Variants in COBL observed in about 807,000 individuals in gnomAD.
COBL encodes the protein cordon-bleu WH2 repeat protein, also known as protein cordon-bleu.
COBL carries 51 observed loss-of-function variants against 98.8 expected under a neutral mutation model. The observed-to-expected ratio is 0.52, with a 90% CI of 0.41 to 0.65. The LOEUF (loss-of-function observed/expected upper bound fraction) is 0.65. COBL is among the 30% of genes least tolerant of loss of function. The probability of loss-of-function intolerance (pLI) is 0.00; values close to 1 mark genes in which losing one functional copy is unlikely to be tolerated. For synonymous variants in COBL, 634 were observed against 651.7 expected (o/e 0.97, Z 0.41); for missense variants, 1,617 against 1,617.5 (o/e 1.00, Z 0.01).
chr7:51,043,328 A>G, intron 8 of COBL, 55 bp downstream of exon 8: 1 of 1,535,280 alleles, frequency 6.5e-7, no homozygotes, highest in Non-Finnish European at 8.9e-7. Context: ...GACCCTCTTT[A>G]GAGACACAGA....
intron 5 of COBL, among the ~76,000 whole-genome samples, chr7:51,157,075 ACAAGGCCAGGG>A (rs1251905523): frequency 6.6e-6 from 1 of 152,166 alleles, no homozygotes; most frequent in East Asian, 1.9e-4. Context: ...CAGAGTTTTA[ACAAGGCCAGGG>A]CTAGCCAGAC....
At chr7:51,294,645 A>G (rs558660807) in intron 1 of COBL, among the ~76,000 whole-genome samples, 2 of 145,546 alleles carry the variant, frequency 1.4e-5, no homozygotes, top group East Asian at 4.0e-4. Flanking sequence ...CTCCATCTCA[A>G]AAAAAAAAAA....
At chr7:51,167,780 C>T (rs561156485) in intron 5 of COBL, among the ~76,000 whole-genome samples, 287 of 152,186 alleles carry the variant, frequency 1.9e-3, no homozygotes, top group Middle Eastern at 6.8e-3. Flanking sequence ...ATACTTACAG[C>T]GAAGTCATTT....
chr7:51,144,562 G>T (rs923553759), intron 5 of COBL, among the ~76,000 whole-genome samples: 3 of 152,102 alleles, frequency 2.0e-5, no homozygotes, highest in African/African-American at 7.2e-5. Context: ...AAAATTAACC[G>T]TGTTAGCCAT....
intron 1 of COBL, among the ~76,000 whole-genome samples, chr7:51,279,555 T>G (rs1157738523): frequency 6.6e-6 from 1 of 152,136 alleles, no homozygotes. Flanking sequence ...ACCTTACACA[T>G]GCAGAGCCTC....
At chr7:51,033,026 C>T (rs1441558807) in intron 8 of COBL, 1 of 151,906 alleles carries the variant, frequency 6.6e-6, no homozygotes, top group African/African-American at 2.4e-5. Context: ...TGCTTGATCA[C>T]GTCACTATGA....
chr7:51,087,273 G>GA (rs1407602282), intron 6 of COBL, among the ~76,000 whole-genome samples: 1 of 152,012 alleles, frequency 6.6e-6, no homozygotes, highest in Non-Finnish European at 1.5e-5. Context: ...TCAAAATTAT[G>GA]AAAAATATAA....
At chr7:51,213,307 T>A (rs1792648470) in intron 2 of COBL, among the ~76,000 whole-genome samples, 1 of 152,114 alleles carries the variant, frequency 6.6e-6, no homozygotes, top group South Asian at 2.1e-4. Context: ...AGTAAGCATT[T>A]CCCCCTGAGC....
intron 7 of COBL, chr7:51,070,985 T>C (rs745769140): frequency 1.3e-5 from 2 of 152,222 alleles, no homozygotes; most frequent in African/African-American, 2.4e-5. Flanking sequence ...ACTGGCAACA[T>C]GGTCTCCAGG....
rs370819886 is a variant in COBL at position 51,028,630 on chromosome 7, G to C, written c.2466C>G (p.His822Gln). The change falls in exon 10 of 13, where the codon CAC becomes CAG. Residue 822 changes from histidine (H) to glutamine (Q), a missense_variant. His to Gln is a conservative substitution (Grantham distance 24, BLOSUM62 0). Around this residue, in one of 3 missense-constraint regions of COBL, gnomAD observed 1,304 missense variants for 1,282.0 expected, o/e 1.02. Transcript: ENST00000265136. ...KPISPQQKSA[H>Q]HEGRNPLGEG... is the part of the protein sequence containing the mutation. Reference sequence around the variant, plus strand: ...CCCCTAGGGGGTTCCGGCCCTCATGGTGGGCAGACTTCTGCTGGGGCGATA... The same window carrying C: ...CCCCTAGGGGGTTCCGGCCCTCATGCTGGGCAGACTTCTGCTGGGGCGATA... 6.2e-7 allele frequency: 1 copy of C among 1,613,458 alleles called. No homozygotes were observed. Among genetic ancestry groups the C allele is most frequent in the Admixed American group, 1.7e-5 (1 of 59,954 alleles).
At chr7:51,229,488 G>A (rs867858282) in intron 1 of COBL, among the ~76,000 whole-genome samples, 7 of 152,148 alleles carry the variant, frequency 4.6e-5, no homozygotes, top group African/African-American at 1.4e-4. Context: ...AGGTGCATTC[G>A]TCCACCACCT....
intron 7 of COBL, among the ~76,000 whole-genome samples, chr7:51,060,636 A>T (rs1237610361): frequency 6.6e-6 from 1 of 152,184 alleles, no homozygotes; most frequent in African/African-American, 2.4e-5. Context: ...AGGAATCAAG[A>T]GGTTAAAAAG....
At chr7:51,228,708 A>T (rs1173665397) in intron 1 of COBL, among the ~76,000 whole-genome samples, 1 of 152,170 alleles carries the variant, frequency 6.6e-6, no homozygotes, top group Non-Finnish European at 1.5e-5. Flanking sequence ...ACATCAAGTA[A>T]ATATTCAAAG....
chr7:51,224,738 C>T (rs1351375165), intron 1 of COBL, among the ~76,000 whole-genome samples: 1 of 152,110 alleles, frequency 6.6e-6, no homozygotes, highest in African/African-American at 2.4e-5. Context: ...TCACTGTAAC[C>T]TCTGCCTCCC....
At chr7:51,311,414 T>C (rs780764318) in intron 1 of COBL, among the ~76,000 whole-genome samples, 3 of 152,294 alleles carry the variant, frequency 2.0e-5, no homozygotes, top group South Asian at 4.1e-4. Context: ...TGGAAACCCA[T>C]TGTCTATTGT....
At chr7:51,301,582 T>G (rs1206874781) in intron 1 of COBL, among the ~76,000 whole-genome samples, 2 of 152,262 alleles carry the variant, frequency 1.3e-5, no homozygotes, top group Non-Finnish European at 2.9e-5. Context: ...CACCTGAGTG[T>G]CGGTCTAATA....
chr7:51,120,370 G>A (rs911582303), intron 6 of COBL, among the ~76,000 whole-genome samples: 19 of 151,960 alleles, frequency 1.3e-4, no homozygotes, highest in Non-Finnish European at 2.5e-4. Context: ...TATAACACAC[G>A]TAAGGCATTT....
chr7:51,090,068 C>T (rs79079287), intron 6 of COBL, among the ~76,000 whole-genome samples: 8,865 of 152,064 alleles, frequency 0.058, 335 homozygotes, highest in Middle Eastern at 0.16. Context: ...CTTTATTTTT[C>T]GAGTTTTCAA....
chr7:51,212,787 A>G (rs895031194), intron 2 of COBL, among the ~76,000 whole-genome samples: 1 of 152,198 alleles, frequency 6.6e-6, no homozygotes, highest in African/African-American at 2.4e-5. Flanking sequence ...GCTTGCTGAA[A>G]TACAGATTGC....
Sources: allele counts gnomAD v4.1 joint callset (sites outside exome capture counted in the v4.1 genomes callset), GRCh38; gene constraint gnomAD v4.1.1; regional missense constraint gnomAD v4.1.1; transcripts MANE v1.5; gene names NCBI Gene and HGNC (gene_info 2026-07-23, HGNC 2026-07-21).